The following ACAP2 variants were observed in gnomAD, a reference collection of about 807,000 sequenced individuals.
ACAP2 encodes the protein arf-GAP with coiled-coil, ANK repeat and PH domain-containing protein 2.
ACAP2 carries 39 observed loss-of-function variants against 115.8 expected under a neutral mutation model. The observed-to-expected ratio is 0.34, with a 90% CI of 0.26 to 0.44. The LOEUF (loss-of-function observed/expected upper bound fraction) is 0.44, where lower values mean the gene tolerates loss of function less well. ACAP2 is among the 20% of genes least tolerant of loss of function. The pLI is 1.00. For missense variants in ACAP2, 662 were observed against 927.6 expected (o/e 0.71, Z 3.72); for synonymous variants, 289 against 315.8 (o/e 0.92, Z 0.90).
chr3:195,345,042 G>C (rs1731110920), intron 5 of ACAP2, among the ~76,000 whole-genome samples: 1 of 152,098 alleles, frequency 6.6e-6, no homozygotes, highest in Non-Finnish European at 1.5e-5. Context: ...GTATCTTCCA[G>C]AACACGTATT....
intron 9 of ACAP2, among the ~76,000 whole-genome samples, 163 bp from the exon 10 acceptor site, chr3:195,320,976 A>G (rs1489625497): frequency 1.3e-5 from 2 of 152,178 alleles, no homozygotes; most frequent in Admixed American, 6.5e-5. Flanking sequence ...GATCAATAAT[A>G]AAGAAATGTT....
intron 1 of ACAP2, among the ~76,000 whole-genome samples, chr3:195,436,790 T>C (rs1715576428): frequency 6.6e-6 from 1 of 152,164 alleles, no homozygotes; most frequent in Non-Finnish European, 1.5e-5. Context: ...GTGCGATTCA[T>C]TTTAAATCAA....
intron 1 of ACAP2, among the ~76,000 whole-genome samples, chr3:195,432,465 G>C (rs1362388238): frequency 1.3e-5 from 2 of 152,168 alleles, no homozygotes; most frequent in East Asian, 3.8e-4. Context: ...GCATTGAATT[G>C]TCTGGGTACC....
intron 4 of ACAP2, among the ~76,000 whole-genome samples, chr3:195,349,416 G>A (rs1407323571): frequency 2.0e-5 from 3 of 152,094 alleles, no homozygotes; most frequent in African/African-American, 7.2e-5. Context: ...GGGAGGCAGA[G>A]CTTGCAGTGA....
At chr3:195,302,197 G>GT (rs200159635) in intron 13 of ACAP2, 23 bp from the exon 14 acceptor site, 13 of 1,548,386 alleles carry the variant, frequency 8.4e-6, no homozygotes, top group African/African-American at 4.2e-5. Flanking sequence ...AGAATTACTT[G>GT]TTTTTAAAAA....
chr3:195,325,325 C>T, intron 9 of ACAP2: 1 of 415,232 alleles, frequency 2.4e-6, no homozygotes, highest in Non-Finnish European at 4.7e-6. Context: ...GTTCAAAGCA[C>T]CACTGTTTCT....
At chr3:195,433,496 G>C (rs1338564131) in intron 1 of ACAP2, among the ~76,000 whole-genome samples, 1 of 152,208 alleles carries the variant, frequency 6.6e-6, no homozygotes. Context: ...GTGTTGAACA[G>C]AAGTGGTGAC....
intron 4 of ACAP2, among the ~76,000 whole-genome samples, chr3:195,371,133 A>C (rs1733109494): frequency 1.3e-5 from 2 of 152,148 alleles, no homozygotes; most frequent in Non-Finnish European, 2.9e-5. Context: ...AATAGCACTG[A>C]ATCTGTAAAT....
In ACAP2 at chr3:195,333,067, A is replaced by G. The variant is rs766726561; in HGVS notation, c.630T>C (p.Phe210=). The G allele has an allele frequency of 3.1e-6, 5 of 1,611,208 alleles. No individual in the cohort carries two copies. In the African/African-American group the frequency reaches 4.0e-5, roughly 13 times the overall value. Residue 210 remains phenylalanine, a synonymous_variant, in exon 8 of 23, where the codon TTT becomes TTC. Coordinates refer to ENST00000326793, the MANE Select transcript of ACAP2 (RefSeq NM_012287.6). ...LAFFHQGYDL[F]SELGPYMKDL... ...CCTTCATGTAGGGTCCAAGTTCACT[A>G]AACAGATCATATCCTTGATGAAAGA...
chr3:195,376,823 C>T (rs1733579065), intron 4 of ACAP2, among the ~76,000 whole-genome samples: 1 of 152,132 alleles, frequency 6.6e-6, no homozygotes. Context: ...GACTTTTATC[C>T]TTACACAAAC....
chr3:195,350,634 G>A (rs1209678892), intron 4 of ACAP2, among the ~76,000 whole-genome samples: 1 of 143,670 alleles, frequency 7.0e-6, no homozygotes, highest in Non-Finnish European at 1.5e-5. Context: ...AGAAAACAAA[G>A]CAAGACTGTC....
chr3:195,407,045 A>G (rs1343026204), intron 1 of ACAP2, among the ~76,000 whole-genome samples: 2 of 151,946 alleles, frequency 1.3e-5, no homozygotes, highest in Admixed American at 6.6e-5. Context: ...TGAGAGAGAG[A>G]GGAAGGAAGG....
chr3:195,310,524 T>C (rs1418569166), intron 10 of ACAP2, among the ~76,000 whole-genome samples: 1 of 152,258 alleles, frequency 6.6e-6, no homozygotes, highest in East Asian at 1.9e-4. Flanking sequence ...TAGGGTGAAC[T>C]GTAGTCATAC....
At chr3:195,356,389 G>C (rs1731972805) in intron 4 of ACAP2, among the ~76,000 whole-genome samples, 1 of 152,176 alleles carries the variant, frequency 6.6e-6, no homozygotes, top group Middle Eastern at 3.2e-3. Flanking sequence ...CTAAATAACA[G>C]TAAAAGGCAG....
chr3:195,401,738 C>T (rs1712318502), intron 1 of ACAP2, among the ~76,000 whole-genome samples: 1 of 152,124 alleles, frequency 6.6e-6, no homozygotes, highest in African/African-American at 2.4e-5. Context: ...TAAGCAACAA[C>T]CCCAGAATCA....
intron 1 of ACAP2, among the ~76,000 whole-genome samples, chr3:195,436,986 G>C (rs1715590711): frequency 6.6e-6 from 1 of 152,140 alleles, no homozygotes; most frequent in African/African-American, 2.4e-5. Flanking sequence ...ACAAAAGCCA[G>C]CTTTTAAATT....
chr3:195,388,024 G>A (rs1445909422), intron 2 of ACAP2, among the ~76,000 whole-genome samples: 1 of 152,186 alleles, frequency 6.6e-6, no homozygotes, highest in Non-Finnish European at 1.5e-5. Flanking sequence ...CTCAAACCCA[G>A]CAGCAGCTCC....
chr3:195,370,370 T>G lies in ACAP2; in HGVS notation c.285+10639A>C, dbSNP rs186415454. ...GATTTTCTTCCAGGGTTTTTACAGT[T>G]TTGGGTTTTACACTCGAGTCTTTAA... On this transcript the variant is annotated intron_variant, in intron 4 of 22. Transcript: ENST00000326793. Among the ~76,000 whole-genome samples, 19 of 152,296 alleles carry G rather than the reference T, an allele frequency of 1.2e-4. No individual in the cohort carries two copies. In the East Asian group the frequency reaches 2.7e-3, roughly 22 times the overall value.
chr3:195,290,529 G>A (rs1002097723), intron 20 of ACAP2, among the ~76,000 whole-genome samples: 6 of 152,026 alleles, frequency 3.9e-5, no homozygotes, highest in Non-Finnish European at 8.8e-5. Context: ...AGCCAGACAT[G>A]GCCGTGCGCA....
Sources: allele counts gnomAD v4.1 joint callset (sites outside exome capture counted in the v4.1 genomes callset), GRCh38; gene constraint gnomAD v4.1.1; transcripts MANE v1.5; gene names NCBI Gene and HGNC (gene_info 2026-07-23, HGNC 2026-07-21).